The following LRP12 variants were observed in gnomAD, a reference collection of about 807,000 sequenced individuals.
LRP12 encodes low-density lipoprotein receptor-related protein 12.
In LRP12, 14 loss-of-function variants were observed where a neutral mutation model predicts 66.0. That is an observed-to-expected ratio of 0.21 (90% CI 0.14 to 0.33). LRP12 has a LOEUF of 0.33. Ranked by LOEUF, LRP12 falls within the 10% of genes least tolerant of loss-of-function variation. The pLI, the probability that LRP12 is intolerant of heterozygous loss-of-function variation, is 1.00. For synonymous variants in LRP12, 357 were observed against 359.1 expected, an observed-to-expected ratio of 0.99 and a Z score of 0.07; for missense variants, 889 against 1,053.4, an observed-to-expected ratio of 0.84 and a Z score of 2.16.
intron 5 of LRP12, 32 bp downstream of exon 5, chr8:104,496,940 T>G: frequency 6.8e-7 from 1 of 1,471,514 alleles, no homozygotes; most frequent in Non-Finnish European, 9.0e-7. Flanking sequence ...CCTGCTTTTA[T>G]TGAGGCCCAA....
chr8:104,493,290 T>C (rs977756876), intron 6 of LRP12, among the ~76,000 whole-genome samples: 5 of 152,222 alleles, frequency 3.3e-5, no homozygotes, highest in African/African-American at 1.2e-4. Flanking sequence ...AAATCTGCTA[T>C]AAAAATTTGG....
chr8:104,539,394 A>G (rs1381561268), intron 1 of LRP12, among the ~76,000 whole-genome samples: 1 of 152,184 alleles, frequency 6.6e-6, no homozygotes, highest in African/African-American at 2.4e-5. Context: ...CTCTGGGTTA[A>G]TAACTGCTGT....
chr8:104,586,685 C>A (rs1812338133), intron 1 of LRP12, among the ~76,000 whole-genome samples: 2 of 152,202 alleles, frequency 1.3e-5, no homozygotes, highest in South Asian at 4.1e-4. Flanking sequence ...ATTGTTACAG[C>A]CCTTTTTCAC....
chr8:104,577,810 C>CAAAAAA (rs34298645), intron 1 of LRP12, among the ~76,000 whole-genome samples: 3 of 111,124 alleles, frequency 2.7e-5, no homozygotes, highest in Admixed American at 9.8e-5. Flanking sequence ...GACTCCATCT[C>CAAAAAA]AAAAAAAAAA....
intron 2 of LRP12, among the ~76,000 whole-genome samples, chr8:104,517,553 A>C (rs1811090143): frequency 6.6e-6 from 1 of 152,042 alleles, no homozygotes; most frequent in Non-Finnish European, 1.5e-5. Context: ...AGATCACCTA[A>C]AAAGCAATTA....
chr8:104,531,878 A>T (rs1811329279), intron 2 of LRP12, 29 bp downstream of exon 2: 1 of 1,484,552 alleles, frequency 6.7e-7, no homozygotes, highest in Non-Finnish European at 9.3e-7. Flanking sequence ...GTCATGCATG[A>T]AATTTAAACA....
At chr8:104,506,862 G>A (rs901363196) in intron 3 of LRP12, 9 of 151,960 alleles carry the variant, frequency 5.9e-5, no homozygotes, top group Non-Finnish European at 1.2e-4. Flanking sequence ...TTTTTACTCC[G>A]TAACTTTAGT....
intron 1 of LRP12, among the ~76,000 whole-genome samples, chr8:104,564,927 T>C (rs1811974318): frequency 7.1e-6 from 1 of 141,734 alleles, no homozygotes; most frequent in Admixed American, 6.8e-5. Flanking sequence ...AGTGAGACTC[T>C]GTCAAAGAAA....
At chr8:104,528,198 A>T (rs937112277) in intron 2 of LRP12, among the ~76,000 whole-genome samples, 1 of 152,214 alleles carries the variant, frequency 6.6e-6, no homozygotes, top group African/African-American at 2.4e-5. Flanking sequence ...TGCAAACGAC[A>T]ATCCAGCAGG....
chr8:104,557,208 C>T (rs1002077749), intron 1 of LRP12, among the ~76,000 whole-genome samples: 5 of 152,014 alleles, frequency 3.3e-5, no homozygotes, highest in Admixed American at 6.6e-5. Context: ...AACAAGATTG[C>T]GCACTTTGAC....
intron 1 of LRP12, among the ~76,000 whole-genome samples, chr8:104,551,523 C>T (rs1367815841): frequency 6.6e-6 from 1 of 152,104 alleles, no homozygotes; most frequent in Non-Finnish European, 1.5e-5. Flanking sequence ...CCCTCTCCCT[C>T]CTACCTCTAG....
intron 6 of LRP12, 109 bp downstream of exon 6, chr8:104,494,968 T>C (rs1810701556): frequency 1.1e-6 from 1 of 948,014 alleles, no homozygotes; most frequent in Non-Finnish European, 1.6e-6. Context: ...TACATTTAAA[T>C]CCTTGATTGC....
rs1812380502 is a variant in LRP12, at chr8:104,588,872, T to G, written c.26A>C (p.Glu9Ala). The change falls in exon 1 of 7, where the codon GAG (glutamate) becomes GCG (alanine). Residue 9 changes from glutamate (E) to alanine (A), a missense_variant. By Grantham distance (107) the Glu-to-Ala change is moderately radical. Around this residue, in one of 3 missense-constraint regions of LRP12, gnomAD observed 88 missense variants for 72.5 expected, o/e 1.21. Transcript: ENST00000276654. MACRWSTK[E>A]SPRWRSALLL... ...CAACGCAGACCTCCACCGCGGAGACTCTTTTGTGCTCCAGCGACAGGCCAT... is the reference window on the plus strand; with the variant it reads ...CAACGCAGACCTCCACCGCGGAGACGCTTTTGTGCTCCAGCGACAGGCCAT... 1.2e-6 allele frequency: 2 copies of G among 1,611,142 alleles called. No individual in the cohort carries two copies. The highest frequency in any genetic ancestry group is 2.2e-5 in the South Asian group (2 of 90,388).
At chr8:104,539,677 A>C (rs1490698181) in intron 1 of LRP12, among the ~76,000 whole-genome samples, 1 of 152,062 alleles carries the variant, frequency 6.6e-6, no homozygotes, top group Non-Finnish European at 1.5e-5. Flanking sequence ...AATTATGCAA[A>C]ATAATATTTC....
intron 1 of LRP12, among the ~76,000 whole-genome samples, chr8:104,548,457 G>T (rs1376102323): frequency 5.3e-5 from 6 of 113,886 alleles, no homozygotes; most frequent in African/African-American, 1.1e-4. Context: ...ATTATATTTT[G>T]TATCTAATAT....
chr8:104,534,465 A>T (rs1309971606), intron 1 of LRP12, among the ~76,000 whole-genome samples: 1 of 152,024 alleles, frequency 6.6e-6, no homozygotes, highest in Non-Finnish European at 1.5e-5. Flanking sequence ...TTATATTACA[A>T]AAAAGGAGAA....
intron 1 of LRP12, among the ~76,000 whole-genome samples, chr8:104,559,378 T>C (rs955773208): frequency 2.6e-5 from 4 of 152,150 alleles, no homozygotes; most frequent in African/African-American, 7.2e-5. Flanking sequence ...CATTTTATGT[T>C]CTCATTCATA....
intron 2 of LRP12, among the ~76,000 whole-genome samples, chr8:104,522,657 T>C (rs975501633): frequency 2.0e-5 from 3 of 152,146 alleles, no homozygotes; most frequent in African/African-American, 4.8e-5. Flanking sequence ...ACCATGTTAA[T>C]CTTCCTATGT....
rs549408650 is a variant in LRP12 at position 104,492,756 on chromosome 8, T to C, written c.1714-1217A>G. ...TAGTCTAACATTAGTAAGGCACAGA[T>C]TGTCAATAAGAAATTTGGATATCAG... On this transcript the variant is annotated intron_variant, in intron 6 of 6. Coordinates refer to ENST00000276654, the MANE Select transcript of LRP12 (RefSeq NM_013437.5). Among the ~76,000 whole-genome samples, 22 of 151,950 alleles carry C rather than the reference T, an allele frequency of 1.4e-4. No homozygotes were observed. The South Asian group carries it at 1.7e-3, about 12-fold the overall frequency.
Sources: allele counts gnomAD v4.1 joint callset (sites outside exome capture counted in the v4.1 genomes callset), GRCh38; gene constraint gnomAD v4.1.1; regional missense constraint gnomAD v4.1.1; transcripts MANE v1.5; gene names NCBI Gene and HGNC (gene_info 2026-07-23, HGNC 2026-07-21).